The following PVT1 variants were observed in gnomAD, a reference collection of about 807,000 sequenced individuals.
The protein encoded by PVT1 is CXCR4/PVT1 fusion.
intron 2 of PVT1, among the ~76,000 whole-genome samples, chr8:127,844,067 C>G (rs1413705691): frequency 2.6e-5 from 4 of 151,942 alleles, no homozygotes; most frequent in African/African-American, 7.3e-5. Context: ...ACTGCAAGCT[C>G]TGCCTCCCGG....
chr8:127,846,167 T>A (rs1168267238), intron 2 of PVT1, among the ~76,000 whole-genome samples: 1 of 152,206 alleles, frequency 6.6e-6, no homozygotes, highest in Non-Finnish European at 1.5e-5. Context: ...AACTAAGTGG[T>A]AATAAAAGTG....
At chr8:127,939,926 A>G (rs889153037) in intron 3 of PVT1, 14 of 152,166 alleles carry the variant, frequency 9.2e-5, no homozygotes, top group African/African-American at 3.4e-4. Context: ...AGTCTGAGGC[A>G]TTGGGATACA....
At chr8:128,014,265 G>A (rs9693288) in intron 4 of PVT1, among the ~76,000 whole-genome samples, 126,466 of 151,930 alleles carry the variant, frequency 0.83, 52,768 homozygotes, top group East Asian at 0.89. Flanking sequence ...TTTCTCTGTG[G>A]ATTTATCCTC....
At position 127,968,807 on chromosome 8, in the gene PVT1, A is replaced by C. The variant is rs1816730957; in HGVS notation, n.783-20355A>C. ...TTTCTAAGAGAAAGGACACGTGGAT[A>C]CAGACACACTCTGGGAGGAAGGCCA... On this transcript the variant is annotated intron_variant and non_coding_transcript_variant, in intron 3 of 10. Transcript: ENST00000651587. 2.0e-5 allele frequency among the ~76,000 whole-genome samples: 3 copies of C among 152,186 alleles called. No individual in the cohort carries two copies. The South Asian group carries it at 6.2e-4, about 32-fold the overall frequency.
chr8:127,842,230 T>C (rs1345314007), intron 2 of PVT1, among the ~76,000 whole-genome samples: 1 of 149,750 alleles, frequency 6.7e-6, no homozygotes, highest in Non-Finnish European at 1.5e-5. Context: ...GGAAAACGGC[T>C]TTGCTCTTTT....
intron 4 of PVT1, among the ~76,000 whole-genome samples, chr8:128,023,906 C>T (rs975770019): frequency 1.3e-5 from 2 of 152,192 alleles, no homozygotes; most frequent in African/African-American, 2.4e-5. Context: ...AAAAAAACAG[C>T]GGTCCCCATA....
chr8:127,979,058 A>G (rs1816855736), intron 3 of PVT1, among the ~76,000 whole-genome samples: 1 of 152,378 alleles, frequency 6.6e-6, no homozygotes, highest in African/African-American at 2.4e-5. Context: ...CACAAATGAC[A>G]CAATTTAACC....
At chr8:127,802,496 G>A (rs151285950) in intron 2 of PVT1, among the ~76,000 whole-genome samples, 7 of 152,348 alleles carry the variant, frequency 4.6e-5, no homozygotes, top group East Asian at 3.9e-4. Context: ...GGTTACAGGC[G>A]TGAGCCACTG....
intron 3 of PVT1, among the ~76,000 whole-genome samples, chr8:127,897,620 AAAG>A (rs1209758662): frequency 6.7e-6 from 1 of 150,084 alleles, no homozygotes; most frequent in Non-Finnish European, 1.5e-5. Context: ...GAAAGGAAAG[AAAG>A]AAAGAAAGAC....
At chr8:128,004,601 A>G (rs1451591789) in intron 4 of PVT1, among the ~76,000 whole-genome samples, 1 of 152,174 alleles carries the variant, frequency 6.6e-6, no homozygotes, top group Non-Finnish European at 1.5e-5. Flanking sequence ...GAGATAATGT[A>G]TTTGTGGCGT....
At chr8:127,828,815 A>AT (rs951876787) in intron 2 of PVT1, among the ~76,000 whole-genome samples, 5 of 151,970 alleles carry the variant, frequency 3.3e-5, no homozygotes, top group Admixed American at 2.0e-4. Context: ...GAGATGGACT[A>AT]TTTTTTTCCC....
At chr8:127,931,216 T>C (rs1406840777) in intron 3 of PVT1, among the ~76,000 whole-genome samples, 1 of 152,068 alleles carries the variant, frequency 6.6e-6, no homozygotes, top group Non-Finnish European at 1.5e-5. Context: ...AAGAACTTGG[T>C]GTTTCTTATT....
Position 128,019,481 on chromosome 8 carries a change from C to T in PVT1, n.912+30190C>T, listed in dbSNP as rs974606721. On this transcript the variant is annotated intron_variant and non_coding_transcript_variant, in intron 4 of 10. Transcript: ENST00000651587. Reference sequence around the variant, plus strand: ...GTCAATTTCAATGGTGAAATCCCACCGCAGCCGATTTCAGGCAACCAAAGC... The same window carrying T: ...GTCAATTTCAATGGTGAAATCCCACTGCAGCCGATTTCAGGCAACCAAAGC... 3.3e-5 allele frequency among the ~76,000 whole-genome samples: 5 copies of T among 152,254 alleles called. No individual in the cohort carries two copies. In the South Asian group the frequency reaches 6.2e-4, roughly 19 times the overall value.
chr8:128,077,748 A>T (rs1168521184), intron 5 of PVT1, among the ~76,000 whole-genome samples: 1 of 152,152 alleles, frequency 6.6e-6, no homozygotes, highest in South Asian at 2.1e-4. Flanking sequence ...TCTGGTTTGC[A>T]TTTTTGTAGA....
intron 2 of PVT1, among the ~76,000 whole-genome samples, chr8:127,827,154 C>A (rs752514366): frequency 2.6e-5 from 4 of 152,048 alleles, no homozygotes; most frequent in African/African-American, 9.7e-5. Context: ...TGCCACCATG[C>A]CCAGCTAATT....
At chr8:128,000,259 A>G (rs1006723315) in intron 4 of PVT1, among the ~76,000 whole-genome samples, 5 of 152,152 alleles carry the variant, frequency 3.3e-5, no homozygotes, top group African/African-American at 9.7e-5. Context: ...ATCATGTAGT[A>G]TCCCCCACCT....
chr8:127,965,887 G>A (rs1439381624), intron 3 of PVT1, among the ~76,000 whole-genome samples: 1 of 152,186 alleles, frequency 6.6e-6, no homozygotes, highest in Non-Finnish European at 1.5e-5. Context: ...GACTTTAGGT[G>A]AGGGGGAGAG....
At chr8:127,814,504 TG>T (rs890552463) in intron 2 of PVT1, among the ~76,000 whole-genome samples, 7 of 152,242 alleles carry the variant, frequency 4.6e-5, no homozygotes, top group African/African-American at 1.7e-4. Flanking sequence ...TCCTGCTGCA[TG>T]CTGGGCAATG....
intron 3 of PVT1, among the ~76,000 whole-genome samples, chr8:127,982,099 T>C (rs1292995886): frequency 2.6e-5 from 4 of 152,220 alleles, no homozygotes; most frequent in Non-Finnish European, 4.4e-5. Flanking sequence ...TGACGTGGTT[T>C]CTTGAAATGT....
Sources: gnomAD v4.1 joint callset for allele counts (sites outside exome capture counted in the v4.1 genomes callset) on GRCh38, gnomAD v4.1.1 for gene constraint, MANE v1.5 for transcripts, NCBI Gene and HGNC (gene_info 2026-07-23, HGNC 2026-07-21) for gene names.